Variants in BMP5 observed in about 807,000 individuals in gnomAD.
BMP5 encodes bone morphogenetic protein 5.
A neutral mutation model predicts 46.6 loss-of-function variants in BMP5; 23 were observed. The ratio of observed to expected loss-of-function variants is 0.49; its 90% CI spans 0.35 to 0.70. The LOEUF (loss-of-function observed/expected upper bound fraction) is 0.70, where lower values mean the gene tolerates loss of function less well. Ranked by LOEUF, BMP5 falls within the 30% of genes least tolerant of loss-of-function variation. The probability of loss-of-function intolerance (pLI) is 0.00; values close to 1 mark genes in which losing one functional copy is unlikely to be tolerated. For missense variants in BMP5, 545 were observed against 565.6 expected, an observed-to-expected ratio of 0.96 and a Z score of 0.37; for synonymous variants, 204 against 191.9, an observed-to-expected ratio of 1.06 and a Z score of -0.52.
At chr6:55,873,950 A>T (rs1431804731) in intron 1 of BMP5, among the ~76,000 whole-genome samples, 1 of 151,978 alleles carries the variant, frequency 6.6e-6, no homozygotes, top group Admixed American at 6.6e-5. Context: ...ATTTTTAAGT[A>T]GTATGTGAAT....
intron 6 of BMP5, among the ~76,000 whole-genome samples, chr6:55,756,989 GA>G (rs1331945593): frequency 6.6e-6 from 1 of 151,482 alleles, no homozygotes; most frequent in Non-Finnish European, 1.5e-5. Flanking sequence ...CAACACCAGG[GA>G]AAAAAAATCA....
intron 1 of BMP5, among the ~76,000 whole-genome samples, chr6:55,835,722 CA>C (rs1776778198): frequency 6.6e-6 from 1 of 152,036 alleles, no homozygotes; most frequent in South Asian, 2.1e-4. Context: ...TCTGAAATGC[CA>C]ACTATAGCCT....
intron 2 of BMP5, among the ~76,000 whole-genome samples, chr6:55,806,256 G>A (rs945303752): frequency 6.6e-6 from 1 of 152,188 alleles, no homozygotes; most frequent in Non-Finnish European, 1.5e-5. Flanking sequence ...TAAGGTGTAA[G>A]AAAGGGGTCC....
intron 3 of BMP5, among the ~76,000 whole-genome samples, chr6:55,784,442 A>C (rs1436515604): frequency 6.6e-6 from 1 of 151,782 alleles, no homozygotes; most frequent in Non-Finnish European, 1.5e-5. Context: ...CAATAACTAT[A>C]AAGAGAAATT....
chr6:55,768,741 A>G (rs567605142), intron 4 of BMP5, among the ~76,000 whole-genome samples: 1 of 152,076 alleles, frequency 6.6e-6, no homozygotes, highest in South Asian at 2.1e-4. Flanking sequence ...GTAATGATCC[A>G]GGACTTGCCA....
chr6:55,871,364 T>A (rs1777784487), intron 1 of BMP5, among the ~76,000 whole-genome samples: 2 of 151,918 alleles, frequency 1.3e-5, no homozygotes, highest in Non-Finnish European at 2.9e-5. Flanking sequence ...ATGAGACTGA[T>A]AAAAGTGGCC....
rs948448957 is a variant in BMP5 at position 55,756,871 on chromosome 6, GA to G, written c.1216-1190del. On this transcript the variant is annotated intron_variant, in intron 6 of 6. Transcript: ENST00000370830. ...TTTCAATGGCCTTGGCAGCCTAACG[GA>G]AAAAAAATGGATTGTTCTTGAATGG... 1.5e-4 allele frequency among the ~76,000 whole-genome samples: 22 copies of G among 151,536 alleles called. 1 individual carries two copies. The East Asian group carries it at 1.6e-3, about 11-fold the overall frequency.
At chr6:55,847,371 C>T (rs1458834418) in intron 1 of BMP5, among the ~76,000 whole-genome samples, 1 of 151,826 alleles carries the variant, frequency 6.6e-6, no homozygotes, top group East Asian at 1.9e-4. Context: ...GCAATGTGTC[C>T]TACTTACCCT....
At chr6:55,762,855 C>T (rs1774820482) in intron 4 of BMP5, among the ~76,000 whole-genome samples, 1 of 151,890 alleles carries the variant, frequency 6.6e-6, no homozygotes, top group South Asian at 2.1e-4. Context: ...GCTAAGTGGT[C>T]TCCTTGCAAC....
chr6:55,870,328 G>A (rs1040446259), intron 1 of BMP5, among the ~76,000 whole-genome samples: 1 of 151,984 alleles, frequency 6.6e-6, no homozygotes, highest in African/African-American at 2.4e-5. Context: ...CCCGTTGGTC[G>A]TGATTATGAA....
At chr6:55,856,883 A>T (rs1306698686) in intron 1 of BMP5, among the ~76,000 whole-genome samples, 1 of 152,112 alleles carries the variant, frequency 6.6e-6, no homozygotes. Context: ...GTAGGCTATT[A>T]TGCAGTATTA....
chr6:55,832,276 T>C (rs1380692401), intron 1 of BMP5, among the ~76,000 whole-genome samples: 1 of 152,202 alleles, frequency 6.6e-6, no homozygotes, highest in Admixed American at 6.6e-5. Flanking sequence ...GAGAGCTGTC[T>C]GTTGATCACA....
chr6:55,860,946 C>T (rs1232091834), intron 1 of BMP5, among the ~76,000 whole-genome samples: 1 of 152,168 alleles, frequency 6.6e-6, no homozygotes, highest in Non-Finnish European at 1.5e-5. Context: ...ATAATATATT[C>T]AGCTTTTGTG....
intron 4 of BMP5, among the ~76,000 whole-genome samples, chr6:55,765,152 G>T (rs1025675704): frequency 6.6e-6 from 1 of 151,814 alleles, no homozygotes; most frequent in Admixed American, 6.6e-5. Flanking sequence ...ACTAGCTCCT[G>T]AAAAAAACAA....
chr6:55,805,470 G>C (rs1028242895), intron 2 of BMP5, among the ~76,000 whole-genome samples: 1 of 152,060 alleles, frequency 6.6e-6, no homozygotes, highest in Non-Finnish European at 1.5e-5. Context: ...AGTATTCCAT[G>C]GTGTATATGT....
intron 2 of BMP5, among the ~76,000 whole-genome samples, chr6:55,798,291 G>A (rs1775765752): frequency 6.6e-6 from 1 of 152,080 alleles, no homozygotes; most frequent in African/African-American, 2.4e-5. Flanking sequence ...GGGGGAGAGG[G>A]CACAATTCAA....
chr6:55,755,243 T>C lies in BMP5; in HGVS notation c.*290A>G. 4.7e-6 allele frequency: 1 copy of C among 214,114 alleles called. No homozygotes were observed. The allele number at this position is 214,114 out of a possible 1,614,324, so 13.3% of individuals were successfully genotyped here. A position where few individuals can be genotyped will look rare whatever the true frequency, so the allele number is the denominator to read the frequency against. On this transcript the variant is annotated 3_prime_UTR_variant, in exon 7 of 7. Transcript: ENST00000370830. ...TGTAAAATTGTATTAGAAAAAAATG[T>C]TGAAATGGAATTGAATGGACTCAGC... is the stretch of plus-strand genomic sequence containing the variant.
intron 1 of BMP5, among the ~76,000 whole-genome samples, chr6:55,868,726 A>AAC (rs1777709599): frequency 6.6e-6 from 1 of 152,176 alleles, no homozygotes; most frequent in Non-Finnish European, 1.5e-5. Context: ...ACATCTCTGA[A>AAC]AAAGTCAGGT....
chr6:55,873,641 T>C (rs1440297219), intron 1 of BMP5, among the ~76,000 whole-genome samples: 1 of 151,972 alleles, frequency 6.6e-6, no homozygotes, highest in East Asian at 1.9e-4. Context: ...ATTAATATTG[T>C]TGTGGTTTAC....
Sources: gnomAD v4.1 joint callset for allele counts (sites outside exome capture counted in the v4.1 genomes callset) on GRCh38, gnomAD v4.1.1 for gene constraint, MANE v1.5 for transcripts, NCBI Gene and HGNC (gene_info 2026-07-23, HGNC 2026-07-21) for gene names.